The following COL26A1 variants were observed in gnomAD, a reference collection of about 807,000 sequenced individuals.
COL26A1 encodes the protein collagen alpha-1(XXVI) chain.
COL26A1 carries 41 observed loss-of-function variants against 59.3 expected under a neutral mutation model. The ratio of observed to expected loss-of-function variants is 0.69; its 90% CI spans 0.54 to 0.90. The LOEUF (loss-of-function observed/expected upper bound fraction) is 0.90, where lower values mean the gene tolerates loss of function less well. Among genes scored for constraint, COL26A1 ranks in the 40% least tolerant of loss-of-function variants. The probability of loss-of-function intolerance (pLI) is 0.00; values close to 1 mark genes in which losing one functional copy is unlikely to be tolerated. For synonymous variants in COL26A1, 266 were observed against 256.0 expected (o/e 1.04, Z -0.37); for missense variants, 612 against 602.3 (o/e 1.02, Z -0.17).
chr7:101,539,653 A>C (rs1795564984), intron 4 of COL26A1, among the ~76,000 whole-genome samples: 1 of 152,064 alleles, frequency 6.6e-6, no homozygotes, highest in Non-Finnish European at 1.5e-5. Flanking sequence ...ACGGTGTCTG[A>C]AGGGCACTCC....
chr7:101,488,349 AATATAT>A lies in COL26A1; in HGVS notation c.385+40586_385+40591del, dbSNP rs368433793. 5.0e-3 allele frequency among the ~76,000 whole-genome samples: 527 copies of A among 104,966 alleles called. 6 individuals are homozygous for A. The highest frequency in any genetic ancestry group is 0.019 in the African/African-American group (458 of 24,076). 68.9% of individuals were successfully genotyped at this position (104,966 alleles called of 152,430 possible). Reference sequence around the variant, plus strand: ...TTTTAATCCGTTTTTAATTTTATTTAATATATATATATATATATATATATATATACA... The same window carrying A: ...TTTTAATCCGTTTTTAATTTTATTTAATATATATATATATATATATATACA... On this transcript the variant is annotated intron_variant, in intron 3 of 12. Coordinates refer to ENST00000313669, the MANE Select transcript of COL26A1 (RefSeq NM_001278563.3).
intron 3 of COL26A1, among the ~76,000 whole-genome samples, chr7:101,490,018 C>T: frequency 6.7e-6 from 1 of 150,122 alleles, no homozygotes; most frequent in Non-Finnish European, 1.5e-5. Context: ...CTCACTGCAA[C>T]CTCCGCCTCC....
chr7:101,387,774 A>ATTTTT (rs1185449488), intron 1 of COL26A1, among the ~76,000 whole-genome samples: 19 of 48,886 alleles, frequency 3.9e-4, no homozygotes, highest in Middle Eastern at 0.014. Context: ...ATATATATAT[A>ATTTTT]TATATTTTTT....
intron 3 of COL26A1, among the ~76,000 whole-genome samples, chr7:101,448,698 G>T (rs1284032537): frequency 6.6e-6 from 1 of 151,942 alleles, no homozygotes; most frequent in East Asian, 1.9e-4. Context: ...TTGCATTGTT[G>T]CTCAGGCTGT....
intron 5 of COL26A1, among the ~76,000 whole-genome samples, chr7:101,541,582 C>T (rs1349137155): frequency 6.6e-6 from 1 of 151,718 alleles, no homozygotes; most frequent in Non-Finnish European, 1.5e-5. Context: ...AACTCCTGGC[C>T]TTAAGCAATC....
chr7:101,457,469 G>A (rs1280294338), intron 3 of COL26A1, among the ~76,000 whole-genome samples: 1 of 152,062 alleles, frequency 6.6e-6, no homozygotes, highest in Non-Finnish European at 1.5e-5. Flanking sequence ...CCTAAACAAG[G>A]AAGGAATCCG....
intron 4 of COL26A1, among the ~76,000 whole-genome samples, chr7:101,538,795 C>T (rs770641188): frequency 1.3e-5 from 2 of 152,168 alleles, no homozygotes; most frequent in Non-Finnish European, 2.9e-5. Flanking sequence ...CCCCAGGGAT[C>T]CCAGGACTGT....
intron 1 of COL26A1, among the ~76,000 whole-genome samples, chr7:101,383,628 C>T (rs1049502727): frequency 1.4e-4 from 22 of 152,090 alleles, no homozygotes; most frequent in Admixed American, 2.0e-4. Flanking sequence ...TCTGCCTCCC[C>T]GGTTCAAGCG....
intron 2 of COL26A1, among the ~76,000 whole-genome samples, chr7:101,442,814 G>A (rs969067790): frequency 6.6e-6 from 1 of 152,186 alleles, no homozygotes; most frequent in Admixed American, 6.6e-5. Flanking sequence ...GTGCATGAGT[G>A]AGTCTGAGGG....
chr7:101,427,460 G>C (rs1192616139), intron 2 of COL26A1, among the ~76,000 whole-genome samples: 2 of 151,912 alleles, frequency 1.3e-5, no homozygotes, highest in Non-Finnish European at 2.9e-5. Context: ...TCAGGAGTTC[G>C]AGACCAGCCT....
intron 9 of COL26A1, among the ~76,000 whole-genome samples, chr7:101,550,527 A>G (rs1388974584): frequency 2.6e-5 from 4 of 152,174 alleles, no homozygotes; most frequent in Non-Finnish European, 4.4e-5. Flanking sequence ...TGTCTGGCCA[A>G]TGGAATAAGT....
At chr7:101,450,367 G>C (rs962665949) in intron 3 of COL26A1, among the ~76,000 whole-genome samples, 1 of 152,154 alleles carries the variant, frequency 6.6e-6, no homozygotes, top group African/African-American at 2.4e-5. Flanking sequence ...AGCCTGCATG[G>C]CTGACTCAGA....
At chr7:101,401,899 C>G (rs756376158) in intron 1 of COL26A1, among the ~76,000 whole-genome samples, 1 of 152,226 alleles carries the variant, frequency 6.6e-6, no homozygotes, top group African/African-American at 2.4e-5. Flanking sequence ...GTCGAAGCCA[C>G]GTTTCCTCTC....
intron 3 of COL26A1, among the ~76,000 whole-genome samples, chr7:101,527,751 G>A (rs1252931910): frequency 6.6e-6 from 1 of 151,644 alleles, no homozygotes; most frequent in Non-Finnish European, 1.5e-5. Context: ...TTTCTGTGTG[G>A]GTCCTAGACG....
chr7:101,528,694 C>T (rs1466291905), intron 3 of COL26A1, among the ~76,000 whole-genome samples: 3 of 151,948 alleles, frequency 2.0e-5, no homozygotes, highest in Non-Finnish European at 2.9e-5. Context: ...ACTACTGGCA[C>T]GCACCACCAT....
intron 2 of COL26A1, among the ~76,000 whole-genome samples, chr7:101,425,143 TTGGGAGGCTCAGA>T (rs1312346392): frequency 6.8e-6 from 1 of 147,580 alleles, no homozygotes; most frequent in Non-Finnish European, 1.5e-5. Context: ...TCCTATAACT[TTGGGAGGCTCAGA>T]TGGGTGGATC....
chr7:101,414,401 TCTCTCG>T (rs1233565521), intron 1 of COL26A1, among the ~76,000 whole-genome samples: 2 of 150,940 alleles, frequency 1.3e-5, no homozygotes, highest in Non-Finnish European at 2.9e-5. Flanking sequence ...TCTCTCTCTC[TCTCTCG>T]CTCGCTCTCG....
In COL26A1 at chr7:101,544,346, G is replaced by C. The variant is rs571477301; in HGVS notation, c.703+250G>C. 3.9e-5 allele frequency among the ~76,000 whole-genome samples: 6 copies of C among 152,186 alleles called. No individual in the cohort carries two copies. In the East Asian group the frequency reaches 1.2e-3, roughly 30 times the overall value. ...GGGTTCAAGCAATTCTCCTGCCTCA[G>C]CCTCCTGAGTAGCTGGGATTACAGG... On this transcript the variant is annotated intron_variant, in intron 6 of 12. Coordinates refer to ENST00000313669, the MANE Select transcript of COL26A1 (RefSeq NM_001278563.3).
chr7:101,394,492 G>C (rs532049992), intron 1 of COL26A1, among the ~76,000 whole-genome samples: 22 of 151,928 alleles, frequency 1.4e-4, no homozygotes, highest in Middle Eastern at 3.4e-3. Context: ...CTGCAGCCTC[G>C]AATTCTTGGC....
Sources: allele counts gnomAD v4.1 joint callset (sites outside exome capture counted in the v4.1 genomes callset), GRCh38; gene constraint gnomAD v4.1.1; transcripts MANE v1.5; gene names NCBI Gene and HGNC (gene_info 2026-07-23, HGNC 2026-07-21).